Variants in C9 observed in about 807,000 individuals in gnomAD.
C9 encodes complement C9.
Under a neutral mutation model 65.4 loss-of-function variants are expected in C9, and 63 were observed. That is an observed-to-expected ratio of 0.96 (90% CI 0.79 to 1.19). The LOEUF (loss-of-function observed/expected upper bound fraction) is 1.19, where lower values mean the gene tolerates loss of function less well. C9 is among the 50% of genes most tolerant of loss of function. The pLI is 0.00. For missense variants in C9, 744 were observed against 670.1 expected, an observed-to-expected ratio of 1.11 and a Z score of -1.22; for synonymous variants, 229 against 227.9, an observed-to-expected ratio of 1.00 and a Z score of -0.04.
intron 5 of C9, among the ~76,000 whole-genome samples, chr5:39,319,316 C>G (rs1753626488): frequency 1.3e-5 from 2 of 152,182 alleles, no homozygotes; most frequent in African/African-American, 2.4e-5. Flanking sequence ...CTAGTTACAT[C>G]CCAGCACCCT....
At chr5:39,351,113 G>A (rs1097304) in intron 1 of C9, among the ~76,000 whole-genome samples, 1 of 152,188 alleles carries the variant, frequency 6.6e-6, no homozygotes, top group African/African-American at 2.4e-5. Context: ...GCTTGGGTTT[G>A]TACCCTCTGA....
intron 1 of C9, among the ~76,000 whole-genome samples, chr5:39,346,700 C>A (rs558522529): frequency 6.6e-6 from 1 of 152,308 alleles, no homozygotes; most frequent in African/African-American, 2.4e-5. Context: ...ATACCAAAGT[C>A]TGGCAAAGAC....
At chr5:39,346,423 G>T (rs1754196357) in intron 1 of C9, among the ~76,000 whole-genome samples, 1 of 152,216 alleles carries the variant, frequency 6.6e-6, no homozygotes, top group Non-Finnish European at 1.5e-5. Flanking sequence ...AAATCTAGAA[G>T]AAATGGATAA....
At chr5:39,306,542 A>G (rs1481451606) in intron 9 of C9, 75 bp downstream of exon 9, 4 of 1,148,984 alleles carry the variant, frequency 3.5e-6, no homozygotes, top group African/African-American at 3.0e-5. Flanking sequence ...TGAAGCTAAC[A>G]GTTCACCTGA....
chr5:39,357,628 C>G (rs1331805192), intron 1 of C9, among the ~76,000 whole-genome samples: 2 of 152,124 alleles, frequency 1.3e-5, no homozygotes, highest in African/African-American at 4.8e-5. Flanking sequence ...TGAAGGAAAA[C>G]AAAGCAGACC....
At chr5:39,347,939 A>T (rs1216177639) in intron 1 of C9, among the ~76,000 whole-genome samples, 1 of 146,438 alleles carries the variant, frequency 6.8e-6, no homozygotes, top group African/African-American at 2.5e-5. Context: ...CTATTTAATA[A>T]ATGGTGCTGG....
intron 4 of C9, among the ~76,000 whole-genome samples, chr5:39,334,129 G>C (rs1225380472): frequency 6.7e-6 from 1 of 150,366 alleles, no homozygotes; most frequent in Non-Finnish European, 1.5e-5. Flanking sequence ...AAAGTGAGGA[G>C]CCTCTCTGCC....
At chr5:39,348,304 G>A (rs1421945260) in intron 1 of C9, among the ~76,000 whole-genome samples, 1 of 152,042 alleles carries the variant, frequency 6.6e-6, no homozygotes. Context: ...AATCTACAAA[G>A]AACTCAAATA....
At chr5:39,292,523 T>G (rs903612833) in intron 9 of C9, among the ~76,000 whole-genome samples, 1 of 151,762 alleles carries the variant, frequency 6.6e-6, no homozygotes, top group African/African-American at 2.4e-5. Flanking sequence ...CACAAAGAAC[T>G]AAAATTTGGA....
At chr5:39,294,488 C>T (rs1162216762) in intron 9 of C9, among the ~76,000 whole-genome samples, 1 of 151,790 alleles carries the variant, frequency 6.6e-6, no homozygotes, top group Non-Finnish European at 1.5e-5. Context: ...TTTCTAGACA[C>T]ATACAACCTC....
chr5:39,316,287 G>T (rs1235892329), intron 5 of C9, among the ~76,000 whole-genome samples: 1 of 152,144 alleles, frequency 6.6e-6, no homozygotes, highest in Non-Finnish European at 1.5e-5. Context: ...CTAGCACAAA[G>T]GTTCTTATAA....
chr5:39,338,341 G>C (rs1754008180), intron 4 of C9, among the ~76,000 whole-genome samples: 1 of 152,072 alleles, frequency 6.6e-6, no homozygotes, highest in Non-Finnish European at 1.5e-5. Flanking sequence ...GGGTAAGGTG[G>C]TATGGTAGAA....
At chr5:39,295,279 A>G (rs959462254) in intron 9 of C9, among the ~76,000 whole-genome samples, 1 of 151,864 alleles carries the variant, frequency 6.6e-6, no homozygotes, top group African/African-American at 2.4e-5. Flanking sequence ...CCCTGTTTGC[A>G]GAAGACATGA....
At chr5:39,352,111 G>T (rs1303529691) in intron 1 of C9, among the ~76,000 whole-genome samples, 6 of 152,194 alleles carry the variant, frequency 3.9e-5, no homozygotes, top group Non-Finnish European at 8.8e-5. Context: ...TCTTCACATA[G>T]TGGCAGGAGA....
Position 39,341,116 on chromosome 5 carries a change from C to T in C9, c.476+30G>A, listed in dbSNP as rs554795218. The stretch of plus-strand genomic sequence containing the variant: ...GATGGAGATCATTTTCACTCATTTT[C>T]ATCTGAAAAAGTACAAGTAAAATAC... On this transcript the variant is annotated intron_variant, in intron 4 of 10. Coordinates refer to ENST00000263408, the MANE Select transcript of C9 (RefSeq NM_001737.5). 44 of 1,612,400 alleles carry T rather than the reference C, an allele frequency of 2.7e-5. 1 individual carries two copies. In the Admixed American group the frequency reaches 7.0e-4, roughly 26 times the overall value.
At chr5:39,322,042 TAATAC>T (rs1753674592) in intron 5 of C9, among the ~76,000 whole-genome samples, 1 of 151,994 alleles carries the variant, frequency 6.6e-6, no homozygotes, top group African/African-American at 2.4e-5. Context: ...CAAAGTAACA[TAATAC>T]ATGTTTTTAT....
At chr5:39,357,860 G>T (rs1350623399) in intron 1 of C9, among the ~76,000 whole-genome samples, 1 of 152,188 alleles carries the variant, frequency 6.6e-6, no homozygotes, top group African/African-American at 2.4e-5. Flanking sequence ...TGAATTTTAA[G>T]GCTGGGTTAC....
chr5:39,316,127 A>G (rs912700032), intron 5 of C9, 98 bp from the exon 6 acceptor site: 2 of 1,037,240 alleles, frequency 1.9e-6, no homozygotes, highest in African/African-American at 3.2e-5. Flanking sequence ...ATTCTTTGAA[A>G]GGCAGTAGAA....
intron 1 of C9, among the ~76,000 whole-genome samples, chr5:39,347,588 G>A (rs561346): frequency 0.91 from 138,487 of 152,200 alleles, 63,851 homozygotes; most frequent in Non-Finnish European, 0.98. Context: ...GAAAATGGCC[G>A]TACTGCCCAA....
Sources: gnomAD v4.1 joint callset for allele counts (sites outside exome capture counted in the v4.1 genomes callset) on GRCh38, gnomAD v4.1.1 for gene constraint, MANE v1.5 for transcripts, NCBI Gene and HGNC (gene_info 2026-07-23, HGNC 2026-07-21) for gene names.